CELF2: variants seen among roughly 807,000 people sequenced by gnomAD.
The protein encoded by CELF2 is CUG triplet repeat RNA-binding protein 2.
In CELF2, 8 loss-of-function variants were observed where a neutral mutation model predicts 62.6. That is an observed-to-expected ratio of 0.13 (90% CI 0.07 to 0.23). The LOEUF is 0.23. CELF2 is among the 10% of genes least tolerant of loss of function. The pLI is 1.00. For missense variants in CELF2, 333 were observed against 671.0 expected (o/e 0.50, Z 5.56); for synonymous variants, 258 against 250.0 (o/e 1.03, Z -0.30).
At position 11,242,358 on chromosome 10, in the gene CELF2, G is replaced by A. The variant is rs1051841492; in HGVS notation, c.355-6795G>A. ...GAGGAGCCAGCTGTGCCCCCTGCCC[G>A]CAGCTGCTTCCTTCCCCCAGGACTC... On this transcript the variant is annotated intron_variant, in intron 3 of 12. Coordinates refer to ENST00000633077, the MANE Select transcript of CELF2 (RefSeq NM_001326342.2). The surrounding 1 kb of genome is among the most constrained non-coding windows in gnomAD (Gnocchi z 4.8). Among the ~76,000 whole-genome samples, 5 of 152,230 alleles carry A rather than the reference G, an allele frequency of 3.3e-5. No individual in the cohort carries two copies. The highest frequency in any genetic ancestry group is 2.1e-4 in the South Asian group (1 of 4,820).
At chr10:10,722,794 A>T in the CELF2 span, among the ~76,000 whole-genome samples, 1 of 152,202 alleles carries the variant, frequency 6.6e-6, no homozygotes, top group Admixed American at 6.5e-5. Flanking sequence ...AGTTATCACT[A>T]TATTTCCAGA....
At chr10:10,742,973 T>C in the CELF2 span, among the ~76,000 whole-genome samples, 2 of 152,266 alleles carry the variant, frequency 1.3e-5, no homozygotes, top group African/African-American at 4.8e-5. Flanking sequence ...GGCATTTCTG[T>C]CTTTGCTTTC....
intron 2 of CELF2, among the ~76,000 whole-genome samples, chr10:11,197,268 T>C (rs2058206587): frequency 6.6e-6 from 1 of 152,112 alleles, no homozygotes; most frequent in South Asian, 2.1e-4. Context: ...TCTGTGACTC[T>C]GCACTCTGTC....
the CELF2 span, among the ~76,000 whole-genome samples, chr10:10,561,944 A>T: frequency 6.6e-6 from 1 of 152,114 alleles, no homozygotes; most frequent in African/African-American, 2.4e-5. Context: ...CCTTGACTTC[A>T]TTTCTTCATA....
chr10:11,326,805 G>C (rs889942794), intron 12 of CELF2, among the ~76,000 whole-genome samples: 10 of 152,166 alleles, frequency 6.6e-5, no homozygotes, highest in Admixed American at 4.6e-4. Flanking sequence ...AATCACTCCT[G>C]CAATTTAATA....
At chr10:11,142,661 G>A (rs1030486714) in intron 1 of CELF2, among the ~76,000 whole-genome samples, 1 of 143,776 alleles carries the variant, frequency 7.0e-6, no homozygotes, top group African/African-American at 2.7e-5. Context: ...TCCAGCCTGG[G>A]TGACAGAGCG....
chr10:10,838,659 G>C (rs2058466337), intron 1 of CELF2, among the ~76,000 whole-genome samples: 1 of 151,956 alleles, frequency 6.6e-6, no homozygotes, highest in South Asian at 2.1e-4. Flanking sequence ...TTCTGTCCTT[G>C]GCCATGGGAT....
In CELF2 at chr10:11,302,959, C is replaced by T. The variant is rs1186498517; in HGVS notation, c.977-11180C>T. ...ACAATAAGAGCTTTTCAATAGTTGG[C>T]TTTTTGGACCTTGTGGCCATCAAGC... On this transcript the variant is annotated intron_variant, in intron 9 of 12. Coordinates refer to ENST00000633077, the MANE Select transcript of CELF2 (RefSeq NM_001326342.2). This position sits in a 1 kb window ranked among gnomAD's most constrained non-coding sequence, Gnocchi z 5.0. Among the ~76,000 whole-genome samples the T allele has an allele frequency of 6.6e-6, 1 of 152,150 alleles. No individual in the cohort carries two copies. The highest frequency in any genetic ancestry group is 1.5e-5 in the Non-Finnish European group (1 of 68,022).
chr10:10,873,814 C>G (rs765600641), intron 1 of CELF2, among the ~76,000 whole-genome samples: 2 of 152,218 alleles, frequency 1.3e-5, no homozygotes, highest in Non-Finnish European at 2.9e-5. Flanking sequence ...TTGTCGGTTT[C>G]CAGACCTTCA....
chr10:11,005,240 AAGAC>A (rs1564347910), upstream of CELF2: 15 of 1,233,980 alleles, frequency 1.2e-5, no homozygotes, highest in Admixed American at 1.5e-4. This position sits in a 1 kb window ranked among gnomAD's most constrained non-coding sequence, Gnocchi z 4.3. Context: ...AGAGAGTGGG[AAGAC>A]AGAGAGAGAG....
At chr10:10,609,653 T>C in the CELF2 span, among the ~76,000 whole-genome samples, 1 of 152,218 alleles carries the variant, frequency 6.6e-6, no homozygotes. Context: ...TAGATTCTTC[T>C]TACAGAGGAA....
At chr10:10,535,480 G>A in the CELF2 span, among the ~76,000 whole-genome samples, 1 of 152,174 alleles carries the variant, frequency 6.6e-6, no homozygotes, top group Non-Finnish European at 1.5e-5. Context: ...AGCACTTTGG[G>A]AGGCCAAGGT....
At chr10:11,022,069 T>C (rs2058412274) in intron 1 of CELF2, among the ~76,000 whole-genome samples, 1 of 152,222 alleles carries the variant, frequency 6.6e-6, no homozygotes, top group African/African-American at 2.4e-5. Flanking sequence ...TTAAAGTCTA[T>C]TTAGAAAATG....
At chr10:10,715,254 C>T in the CELF2 span, among the ~76,000 whole-genome samples, 3 of 152,100 alleles carry the variant, frequency 2.0e-5, no homozygotes, top group East Asian at 1.9e-4. Flanking sequence ...AGAAAAGGCA[C>T]CTTTTGCTTT....
the CELF2 span, among the ~76,000 whole-genome samples, chr10:10,736,399 T>TCTTTCTTTCTTTCTTTC: frequency 0.01 from 1,463 of 141,156 alleles, 15 homozygotes; most frequent in Non-Finnish European, 0.016. Context: ...TTTCTTTCTT[T>TCTTTCTTTCTTTCTTTC]TTTTTTTTTT....
chr10:10,467,034 A>G, the CELF2 span, among the ~76,000 whole-genome samples: 2 of 151,986 alleles, frequency 1.3e-5, no homozygotes, highest in East Asian at 3.9e-4. Context: ...ATATACTTTC[A>G]TTTGAATTAA....
At chr10:10,703,794 T>C in the CELF2 span, among the ~76,000 whole-genome samples, 1 of 152,196 alleles carries the variant, frequency 6.6e-6, no homozygotes, top group Non-Finnish European at 1.5e-5. Context: ...CAAAAACATG[T>C]AGCATTTTCT....
In CELF2 at chr10:11,293,668, T is replaced by C. The variant is rs2092806162; in HGVS notation, c.976+5116T>C. Among the ~76,000 whole-genome samples the C allele has an allele frequency of 1.3e-5, 2 of 152,238 alleles. 1 individual carries two copies. Among genetic ancestry groups the C allele is most frequent in the South Asian group, 4.1e-4 (2 of 4,830 alleles). ...CCCTGTTGTCTGCAGGACGGTGATG[T>C]GGGCACTCACTTTGTGTCTTGCCCT... On this transcript the variant is annotated intron_variant, in intron 9 of 12. Coordinates refer to ENST00000633077, the MANE Select transcript of CELF2 (RefSeq NM_001326342.2).
chr10:10,958,846 A>C (rs2049173123), intron 2 of CELF2, among the ~76,000 whole-genome samples: 1 of 151,916 alleles, frequency 6.6e-6, no homozygotes, highest in Non-Finnish European at 1.5e-5. Flanking sequence ...CTAGTCTCTA[A>C]AAAAAAAGAA....
Sources: gnomAD v4.1 joint callset for allele counts (sites outside exome capture counted in the v4.1 genomes callset) on GRCh38, gnomAD v4.1.1 for gene constraint, Gnocchi (gnomAD v3.1) non-coding constraint, MANE v1.5 for transcripts, NCBI Gene and HGNC (gene_info 2026-07-23, HGNC 2026-07-21) for gene names.